Variants in CCDC97 observed in about 807,000 individuals in gnomAD.
The protein encoded by CCDC97 is coiled-coil domain containing 97, also known as coiled-coil domain-containing protein 97.
In CCDC97, 27 loss-of-function variants were observed where a neutral mutation model predicts 33.9. The observed-to-expected ratio is 0.80, with a 90% CI of 0.59 to 1.10. The LOEUF (loss-of-function observed/expected upper bound fraction) is 1.10, where lower values mean the gene tolerates loss of function less well. Ranked by LOEUF, CCDC97 falls within the 50% of genes least tolerant of loss-of-function variation. The probability of loss-of-function intolerance (pLI) is 0.00; values close to 1 mark genes in which losing one functional copy is unlikely to be tolerated. For missense variants in CCDC97, 422 were observed against 476.6 expected, an observed-to-expected ratio of 0.89 and a Z score of 1.07; for synonymous variants, 217 against 194.0, an observed-to-expected ratio of 1.12 and a Z score of -0.99.
chr19:41,310,777 C>T, intron 1 of CCDC97: 1 of 1,012,028 alleles, frequency 9.9e-7, no homozygotes, highest in South Asian at 4.4e-5. Context: ...AAACTTCTAC[C>T]TGCCTCATGC....
intron 2 of CCDC97, among the ~76,000 whole-genome samples, 194 bp downstream of exon 2, chr19:41,317,033 G>C (rs1261868725): frequency 3.3e-5 from 5 of 152,216 alleles, no homozygotes; most frequent in African/African-American, 1.2e-4. Flanking sequence ...GGGGTCCAGG[G>C]AAGAGAATGG....
rs750870913 is a variant in CCDC97, at chr19:41,316,729, G to T, written c.392G>T (p.Arg131Leu). ...ACFGHVRGDH[R>L]ADFYCAEVAR... ...TTTGGCCACGTGCGTGGCGACCACC[G>T]TGCAGACTTCTACTGTGCTGAGGTG... Residue 131 changes from arginine (R) to leucine (L), a missense_variant, in exon 2 of 5, where the codon CGT (arginine) becomes CTT (leucine). By Grantham distance (102) the Arg-to-Leu change is moderately radical (BLOSUM62 -2). Transcript: ENST00000269967. 1 of 1,613,572 alleles carries T rather than the reference G, an allele frequency of 6.2e-7. No homozygotes were observed. Among genetic ancestry groups the T allele is most frequent in the South Asian group, 1.1e-5 (1 of 91,078 alleles).
At chr19:41,313,061 T>C (rs1201585615) in intron 1 of CCDC97, among the ~76,000 whole-genome samples, 2 of 152,102 alleles carry the variant, frequency 1.3e-5, no homozygotes, top group African/African-American at 2.4e-5. Flanking sequence ...GGTGAGCCAT[T>C]GCAACCGGCC....
chr19:41,320,556 G>A, intron 4 of CCDC97, 86 bp downstream of exon 4: 1 of 1,554,944 alleles, frequency 6.4e-7, no homozygotes, highest in Non-Finnish European at 8.8e-7. Flanking sequence ...AAGCTGTGGG[G>A]GTCTCCCTTT....
At position 41,324,647 on chromosome 19, in the gene CCDC97, C is replaced by T. The variant is rs1050114764; in HGVS notation, c.*1932C>T. The T allele has an allele frequency of 2.6e-5, 4 of 152,366 alleles. No individual in the cohort carries two copies. The highest frequency in any genetic ancestry group is 2.9e-5 in the Non-Finnish European group (2 of 68,056). The allele number at this position is 152,366 out of a possible 1,614,324, so 9.4% of individuals were successfully genotyped here. A position where few individuals can be genotyped will look rare whatever the true frequency, so the allele number is the denominator to read the frequency against. ...GCCCTAGGTACTACCAATATCACTC[C>T]TCTATTTCCCAGAGGAGGAAGCAGC... On this transcript the variant is annotated 3_prime_UTR_variant, in exon 5 of 5. Transcript: ENST00000269967.
chr19:41,313,181 CT>C (rs1248496965), intron 1 of CCDC97, among the ~76,000 whole-genome samples: 1 of 152,098 alleles, frequency 6.6e-6, no homozygotes, highest in Non-Finnish European at 1.5e-5. Flanking sequence ...CTGTGCAGTG[CT>C]TTTTCCTGGA....
intron 4 of CCDC97, among the ~76,000 whole-genome samples, chr19:41,321,089 C>T (rs568645273): frequency 9.8e-5 from 15 of 152,378 alleles, no homozygotes; most frequent in Admixed American, 9.8e-4. Flanking sequence ...CATCCAGCCC[C>T]GATGACATGT....
intron 4 of CCDC97, among the ~76,000 whole-genome samples, chr19:41,321,713 C>T (rs2037826460): frequency 6.6e-6 from 1 of 152,202 alleles, no homozygotes. Context: ...GTGGGAGGAG[C>T]ATTCCTGGCA....
intron 1 of CCDC97, among the ~76,000 whole-genome samples, chr19:41,312,897 A>G (rs1298130427): frequency 6.6e-6 from 1 of 151,926 alleles, no homozygotes; most frequent in Admixed American, 6.6e-5. Context: ...CTCCTACCTC[A>G]GCCTCCTGAG....
chr19:41,310,218 G>T lies in CCDC97; in HGVS notation c.-93G>T. 2 of 1,526,998 alleles carry T rather than the reference G, an allele frequency of 1.3e-6. No individual in the cohort carries two copies. Among genetic ancestry groups the T allele is most frequent in the Non-Finnish European group, 1.8e-6 (2 of 1,126,540 alleles). 94.6% of individuals were successfully genotyped at this position (1,526,998 alleles called of 1,614,324 possible). On this transcript the variant is annotated 5_prime_UTR_variant, in exon 1 of 5. Transcript: ENST00000269967. ...GGGCGCAGCGGTGCACCCGGACCCG[G>T]AACATTCTCAGGCGAAAGTGTCTCT...
chr19:41,322,550 G>T, intron 4 of CCDC97, 45 bp from the exon 5 acceptor site: 1 of 1,591,448 alleles, frequency 6.3e-7, no homozygotes, highest in Non-Finnish European at 8.6e-7. Context: ...GGGCATCCGA[G>T]GGTCCCAGGG....
rs1056700007 is a variant in CCDC97, at chr19:41,323,869, C to G, written c.*1154C>G. On this transcript the variant is annotated 3_prime_UTR_variant, in exon 5 of 5. Coordinates refer to ENST00000269967, the MANE Select transcript of CCDC97 (RefSeq NM_052848.3). ...GCCACCGGGCCTGTGGGAACCCAGGCGTCCCGCCTTCCCATGCCCCCACAC... is the reference window on the plus strand; with the variant it reads ...GCCACCGGGCCTGTGGGAACCCAGGGGTCCCGCCTTCCCATGCCCCCACAC... The G allele has an allele frequency of 2.0e-5, 3 of 153,048 alleles. No individual in the cohort carries two copies. Among genetic ancestry groups the G allele is most frequent in the African/African-American group, 4.8e-5 (2 of 41,482 alleles). 9.5% of individuals were successfully genotyped at this position (153,048 alleles called of 1,614,324 possible).
At position 41,319,555 on chromosome 19, in the gene CCDC97, CTG is replaced by C. The variant is rs772821437; in HGVS notation, c.503-17_503-16del. ...CTCAGTCGCTCACCCCATGCCCACCCTGTCTCTCCTCTGTGCAGGGGGCGAGT... is the reference window on the plus strand; with the variant it reads ...CTCAGTCGCTCACCCCATGCCCACCCTCTCTCCTCTGTGCAGGGGGCGAGT... On this transcript the variant is annotated splice_polypyrimidine_tract_variant and intron_variant, in intron 2 of 4. Transcript: ENST00000269967. 6.4e-6 allele frequency: 10 copies of C among 1,559,034 alleles called. No individual in the cohort carries two copies. Among genetic ancestry groups the C allele is most frequent in the Non-Finnish European group, 8.7e-6 (10 of 1,143,616 alleles).
chr19:41,320,196 G>A (rs1243848422), intron 3 of CCDC97, 145 bp from the exon 4 acceptor site: 4 of 1,025,516 alleles, frequency 3.9e-6, no homozygotes, highest in Non-Finnish European at 4.4e-6. Context: ...GGAGGGCAGG[G>A]ACCAGGGCCA....
chr19:41,322,813 G>A lies in CCDC97; in HGVS notation c.*98G>A, dbSNP rs1219131320. Reference sequence around the variant, plus strand: ...GACCCTTTCTCTAGGGGGACATCAGGGCAGTGCCCCACAACCCACACACAC... The same window carrying A: ...GACCCTTTCTCTAGGGGGACATCAGAGCAGTGCCCCACAACCCACACACAC... On this transcript the variant is annotated 3_prime_UTR_variant, in exon 5 of 5. Transcript: ENST00000269967. 1 of 1,408,546 alleles carries A rather than the reference G, an allele frequency of 7.1e-7. No homozygotes were observed. 87.3% of individuals were successfully genotyped at this position (1,408,546 alleles called of 1,614,324 possible).
In CCDC97 at chr19:41,316,446, C is replaced by T. The variant is rs138920679; in HGVS notation, c.109C>T (p.Pro37Ser). Residue 37 changes from proline (P) to serine (S), a missense_variant, in exon 2 of 5, where the codon CCC (proline) becomes TCC (serine). Pro to Ser is a moderately conservative substitution (Grantham distance 74). Coordinates refer to ENST00000269967, the MANE Select transcript of CCDC97 (RefSeq NM_052848.3). Reference protein sequence around the residue: ...ELSRTPVPSKPQDKVEAAEAT... With the variant: ...ELSRTPVPSKSQDKVEAAEAT... ...GAGCCGGACACCAGTCCCATCTAAACCCCAGGACAAAGTGGAAGCAGCTGA... is the reference window on the plus strand; with the variant it reads ...GAGCCGGACACCAGTCCCATCTAAATCCCAGGACAAAGTGGAAGCAGCTGA... 53 of 1,614,090 alleles carry T rather than the reference C, an allele frequency of 3.3e-5. No homozygotes were observed. In the Admixed American group the frequency reaches 3.3e-4, roughly 10 times the overall value.
In CCDC97 at chr19:41,316,793, C is replaced by A; in HGVS notation, c.456C>A (p.Thr152=). 6.2e-7 allele frequency: 1 copy of A among 1,601,704 alleles called. No homozygotes were observed. ...CTGCCCGGCCCCGCACCCTGCGTAC[C>A]CGCCTGCGTAACCGGCGCTATGCTG... ...QGTARPRTLR[T]RLRNRRYAAL... is the part of the protein sequence containing the mutation. Residue 152 remains threonine (T), a synonymous_variant, in exon 2 of 5, where the codon ACC becomes ACA. Coordinates refer to ENST00000269967, the MANE Select transcript of CCDC97 (RefSeq NM_052848.3).
chr19:41,310,376 C>T lies in CCDC97; in HGVS notation c.46+20C>T, dbSNP rs1246769264. On this transcript the variant is annotated intron_variant, in intron 1 of 4. Transcript: ENST00000269967. Reference sequence around the variant, plus strand: ...ATAAGGGTGAGATCTTGGTCACGCGCAGGCGGCGGGTGGGTGCGGTTGCGG... The same window carrying T: ...ATAAGGGTGAGATCTTGGTCACGCGTAGGCGGCGGGTGGGTGCGGTTGCGG... 1 of 1,599,342 alleles carries T rather than the reference C, an allele frequency of 6.3e-7. No individual in the cohort carries two copies. The highest frequency in any genetic ancestry group is 8.5e-7 in the Non-Finnish European group (1 of 1,173,882).
intron 3 of CCDC97, among the ~76,000 whole-genome samples, chr19:41,320,131 C>T (rs2037804760): frequency 1.3e-5 from 2 of 152,170 alleles, no homozygotes; most frequent in Admixed American, 1.3e-4. Flanking sequence ...CAGATCCTGA[C>T]CCGAGGATAC....
Sources: gnomAD v4.1 joint callset for allele counts (sites outside exome capture counted in the v4.1 genomes callset) on GRCh38, gnomAD v4.1.1 for gene constraint, MANE v1.5 for transcripts, NCBI Gene and HGNC (gene_info 2026-07-23, HGNC 2026-07-21) for gene names.